Variants in STOX1 observed in about 807,000 individuals in gnomAD.
STOX1 encodes storkhead-box protein 1.
STOX1 carries 57 observed loss-of-function variants against 74.8 expected under a neutral mutation model. The ratio of observed to expected loss-of-function variants is 0.76; its 90% CI spans 0.62 to 0.95. The LOEUF (loss-of-function observed/expected upper bound fraction) is 0.95, where lower values mean the gene tolerates loss of function less well. Among genes scored for constraint, STOX1 ranks in the 40% least tolerant of loss-of-function variants. STOX1 has a pLI of 0.00. For missense variants in STOX1, 1,010 were observed against 1,117.0 expected (o/e 0.90, Z 1.37); for synonymous variants, 375 against 401.3 (o/e 0.93, Z 0.78).
chr10:68,838,209 G>T (rs533270757), intron 1 of STOX1, among the ~76,000 whole-genome samples: 47 of 152,090 alleles, frequency 3.1e-4, no homozygotes, highest in African/African-American at 1.1e-3. Flanking sequence ...TGGGACTGCA[G>T]GCAGGTGCTA....
At chr10:68,846,119 T>TTTTTTTTTATTA (rs1167242930) in intron 1 of STOX1, among the ~76,000 whole-genome samples, 118 of 135,836 alleles carry the variant, frequency 8.7e-4, no homozygotes, top group South Asian at 1.4e-3. Flanking sequence ...GCTTGAGGTT[T>TTTTTTTTTATTA]TTATTATTAT....
At position 68,884,289 on chromosome 10, in the gene STOX1, T is replaced by C. The variant is rs140584920; in HGVS notation, c.493T>C (p.Tyr165His). Reference protein sequence around the residue: ...GIAIPSEDILYTTLGTLIKER... With the variant: ...GIAIPSEDILHTTLGTLIKER... ...TGCAATTCCATCGGAAGATATTCTT[T>C]ATACCACTCTGGGAACGCTGATTAA... The change falls in exon 3 of 4, where the codon TAT becomes CAT. Residue 165 changes from tyrosine to histidine, a missense_variant. By Grantham distance (83) the Tyr-to-His change is moderately conservative (BLOSUM62 2). Transcript: ENST00000298596. 5 of 1,614,068 alleles carry C rather than the reference T, an allele frequency of 3.1e-6. No individual in the cohort carries two copies. Among genetic ancestry groups the C allele is most frequent in the South Asian group, 2.2e-5 (2 of 91,082 alleles).
At position 68,882,079 on chromosome 10, in the gene STOX1, A is replaced by G; in HGVS notation, c.432A>G (p.Ser144=). ...CTCAGATTGTAGTAACGCAGGAATCACTTTTGGAGCGTTTGATGAAACATT... is the reference window on the plus strand; with the variant it reads ...CTCAGATTGTAGTAACGCAGGAATCGCTTTTGGAGCGTTTGATGAAACATT... ...NTAQIVVTQE[S]LLERLMKHYP... Residue 144 remains serine, a synonymous_variant, in exon 2 of 4, where the codon TCA becomes TCG. Coordinates refer to ENST00000298596, the MANE Select transcript of STOX1 (RefSeq NM_152709.5). The G allele has an allele frequency of 1.2e-6, 2 of 1,613,928 alleles. No homozygotes were observed. Among genetic ancestry groups the G allele is most frequent in the Non-Finnish European group, 1.7e-6 (2 of 1,179,908 alleles).
chr10:68,880,281 C>T (rs1840785681), intron 1 of STOX1, among the ~76,000 whole-genome samples: 1 of 151,426 alleles, frequency 6.6e-6, no homozygotes, highest in East Asian at 2.0e-4. Context: ...CTCCTGGGCT[C>T]AAGTAATCCT....
chr10:68,884,852 T>C lies in STOX1; in HGVS notation c.1056T>C (p.Asn352=), dbSNP rs767769703. The C allele has an allele frequency of 1.2e-6, 2 of 1,613,928 alleles. No homozygotes were observed. The highest frequency in any genetic ancestry group is 8.5e-7 in the Non-Finnish European group (1 of 1,180,002). The change falls in exon 3 of 4, where the codon AAT becomes AAC. Residue 352 remains asparagine, a synonymous_variant. Transcript: ENST00000298596. ...TCCGAGATGAAGATGACTTGGACAA[T>C]ATCCCTCGAGATGTTGAACATGAGA... ...WPVRDEDDLD[N]IPRDVEHEII...
At chr10:68,851,374 A>C (rs1267752645) in intron 1 of STOX1, among the ~76,000 whole-genome samples, 1 of 152,072 alleles carries the variant, frequency 6.6e-6, no homozygotes, top group Non-Finnish European at 1.5e-5. Context: ...GAGTAAACTT[A>C]ATTGTGTTTT....
chr10:68,884,265 G>A lies in STOX1; in HGVS notation c.469G>A (p.Ala157Thr). Residue 157 changes from alanine to threonine, a missense_variant, in exon 3 of 4, where the codon GCA becomes ACA. Ala to Thr is a moderately conservative substitution (Grantham distance 58). Coordinates refer to ENST00000298596, the MANE Select transcript of STOX1 (RefSeq NM_152709.5). ...AAAATGCTTGTCTGTTTTAGGCATT[G>A]CAATTCCATCGGAAGATATTCTTTA... ...ERLMKHYPGI[A>T]IPSEDILYTT... 6.2e-7 allele frequency: 1 copy of A among 1,614,022 alleles called. No individual in the cohort carries two copies. The highest frequency in any genetic ancestry group is 1.1e-5 in the South Asian group (1 of 91,068).
intron 1 of STOX1, among the ~76,000 whole-genome samples, chr10:68,840,724 C>A (rs1326656662): frequency 6.6e-6 from 1 of 151,878 alleles, no homozygotes; most frequent in Non-Finnish European, 1.5e-5. Context: ...CCACGCCTGG[C>A]TAATTTTTTG....
intron 1 of STOX1, among the ~76,000 whole-genome samples, chr10:68,836,800 G>T (rs143025440): frequency 2.0e-5 from 3 of 152,286 alleles, no homozygotes; most frequent in African/African-American, 7.2e-5. Context: ...GCCTCACCTG[G>T]GTCAGCCTCC....
At chr10:68,868,595 C>T (rs1362840924) in intron 1 of STOX1, among the ~76,000 whole-genome samples, 3 of 152,164 alleles carry the variant, frequency 2.0e-5, no homozygotes, top group African/African-American at 7.2e-5. Flanking sequence ...ATAATCCCAG[C>T]TACTCAGGAG....
rs200097302 is a variant in STOX1, at chr10:68,863,427, AG to A, written c.311-18529del. Reference sequence around the variant, plus strand: ...CTCATAATAGGGCCAGATACCCAAAAGGAAAAAAAAAACAGATGAGGAATGC... The same window carrying A: ...CTCATAATAGGGCCAGATACCCAAAAGAAAAAAAAAACAGATGAGGAATGC... On this transcript the variant is annotated intron_variant, in intron 1 of 3. Transcript: ENST00000298596. Among the ~76,000 whole-genome samples, 329 of 152,072 alleles carry A rather than the reference AG, an allele frequency of 2.2e-3. 5 individuals are homozygous for A. The highest frequency in any genetic ancestry group is 7.3e-3 in the African/African-American group (301 of 41,394).
downstream of STOX1, among the ~76,000 whole-genome samples, chr10:68,894,292 C>T (rs1345403568): frequency 2.0e-5 from 3 of 152,036 alleles, no homozygotes; most frequent in Non-Finnish European, 4.4e-5. Flanking sequence ...AACTCCTGAC[C>T]TCGTGATTCG....
intron 1 of STOX1, among the ~76,000 whole-genome samples, chr10:68,833,673 G>A (rs959510011): frequency 2.6e-5 from 4 of 152,152 alleles, no homozygotes; most frequent in Admixed American, 1.3e-4. Flanking sequence ...CAGTTAGGTC[G>A]GGGTGGTCTT....
intron 1 of STOX1, among the ~76,000 whole-genome samples, chr10:68,830,719 C>A (rs1839385369): frequency 6.6e-6 from 1 of 152,084 alleles, no homozygotes; most frequent in African/African-American, 2.4e-5. Context: ...AAGCTTTTAA[C>A]GAGTCCTGAT....
chr10:68,876,165 A>G (rs542757678), intron 1 of STOX1, among the ~76,000 whole-genome samples: 1 of 140,716 alleles, frequency 7.1e-6, no homozygotes, highest in Non-Finnish European at 1.5e-5. Flanking sequence ...TATTCTGAAT[A>G]TGTATATTTG....
intron 1 of STOX1, among the ~76,000 whole-genome samples, chr10:68,863,138 C>G (rs1840300694): frequency 6.6e-6 from 1 of 152,030 alleles, no homozygotes; most frequent in Non-Finnish European, 1.5e-5. Flanking sequence ...CCTTTATTAT[C>G]TGTAGGACCG....
chr10:68,833,069 C>T (rs1669310255), intron 1 of STOX1, among the ~76,000 whole-genome samples: 1 of 150,414 alleles, frequency 6.6e-6, no homozygotes, highest in Admixed American at 6.6e-5. Context: ...CTTGCCTAGC[C>T]ACTTCTGTGG....
intron 1 of STOX1, among the ~76,000 whole-genome samples, chr10:68,877,886 C>G (rs1322383800): frequency 2.6e-5 from 4 of 152,160 alleles, no homozygotes; most frequent in African/African-American, 7.2e-5. Flanking sequence ...ACTTTTCCCC[C>G]CTCTTTTAAA....
At chr10:68,867,939 C>T (rs977141233) in intron 1 of STOX1, among the ~76,000 whole-genome samples, 2 of 152,266 alleles carry the variant, frequency 1.3e-5, no homozygotes, top group Non-Finnish European at 2.9e-5. Context: ...GAAGCAGACT[C>T]AAATAAGCCT....
Sources: gnomAD v4.1 joint callset for allele counts (sites outside exome capture counted in the v4.1 genomes callset) on GRCh38, gnomAD v4.1.1 for gene constraint, MANE v1.5 for transcripts, NCBI Gene and HGNC (gene_info 2026-07-23, HGNC 2026-07-21) for gene names.